Variants in SYN3 observed in about 807,000 individuals in gnomAD.
SYN3 encodes synapsin-3.
In SYN3, 35 loss-of-function variants were observed where a neutral mutation model predicts 65.8. The observed-to-expected ratio is 0.53, with a 90% CI of 0.41 to 0.70. The LOEUF (loss-of-function observed/expected upper bound fraction) is 0.70. Ranked by LOEUF, SYN3 falls within the 30% of genes least tolerant of loss-of-function variation. The probability of loss-of-function intolerance (pLI) is 0.00; values close to 1 mark genes in which losing one functional copy is unlikely to be tolerated. For missense variants in SYN3, 680 were observed against 749.0 expected (o/e 0.91, Z 1.08); for synonymous variants, 270 against 292.9 (o/e 0.92, Z 0.80).
intron 4 of SYN3, among the ~76,000 whole-genome samples, chr22:32,927,480 G>A (rs2050506476): frequency 1.3e-5 from 2 of 151,818 alleles, no homozygotes; most frequent in South Asian, 2.1e-4. Flanking sequence ...AAACTCCTGA[G>A]TGCAGGCAAT....
chr22:32,958,287 G>A (rs1332690767), intron 3 of SYN3, among the ~76,000 whole-genome samples: 4 of 152,204 alleles, frequency 2.6e-5, no homozygotes, highest in African/African-American at 9.7e-5. Flanking sequence ...GTGCAAACAG[G>A]ATACAAGCAA....
intron 6 of SYN3, among the ~76,000 whole-genome samples, chr22:32,676,528 C>CTTTTTTTTTTTTTTTTTT (rs879196572): frequency 2.1e-4 from 19 of 88,932 alleles, no homozygotes; most frequent in East Asian, 4.2e-4. Context: ...TCTTTTCTTT[C>CTTTTTTTTTTTTTTTTTT]TTTTTTTTTT....
rs1400578400 is a variant in SYN3, at chr22:32,572,395, C to T, written c.774+24279G>A. 6.0e-3 allele frequency among the ~76,000 whole-genome samples: 543 copies of T among 90,132 alleles called. 14 individuals carry two copies. Among genetic ancestry groups the T allele is most frequent in the African/African-American group, 0.028 (527 of 18,732 alleles). 59.1% of individuals were successfully genotyped at this position (90,132 alleles called of 152,430 possible). On this transcript the variant is annotated intron_variant, in intron 7 of 13. Transcript: ENST00000358763. ...CCTCCCTCCCATCTTTCCTTCCTTC[C>T]CTCCCTCCCTCCTGTCTTTCCTTCC...
At position 32,541,665 on chromosome 22, in the gene SYN3, C is replaced by T. The variant is rs141167959; in HGVS notation, c.823G>A (p.Ala275Thr). 3.5e-5 allele frequency: 57 copies of T among 1,613,846 alleles called. No individual in the cohort carries two copies. The highest frequency in any genetic ancestry group is 1.2e-4 in the African/African-American group (9 of 74,862). Reference sequence around the variant, plus strand: ...GTGGTGGCGTAGGTTTTGGCCATGGCGACCACGCTGGTGATGTCCTGGAAG... The same window carrying T: ...GTGGTGGCGTAGGTTTTGGCCATGGTGACCACGCTGGTGATGTCCTGGAAG... ...LDFQDITSVVAMAKTYATTEA... is the reference protein window; with the variant it reads ...LDFQDITSVVTMAKTYATTEA... Residue 275 changes from alanine (A) to threonine (T), a missense_variant, in exon 8 of 14, where the codon GCC becomes ACC. Transcript: ENST00000358763.
At chr22:32,532,265 G>C (rs2051571) in intron 10 of SYN3, among the ~76,000 whole-genome samples, 1 of 152,056 alleles carries the variant, frequency 6.6e-6, no homozygotes, top group Admixed American at 6.5e-5. Flanking sequence ...CCCGTGAGGG[G>C]ATGCAGAGGC....
chr22:32,894,201 TG>T (rs137516), intron 4 of SYN3, among the ~76,000 whole-genome samples: 75,447 of 151,934 alleles, frequency 0.5, 19,499 homozygotes, highest in Non-Finnish European at 0.57. Context: ...ATTGGAGAAC[TG>T]TGGAGTAAAG....
chr22:32,540,696 T>C (rs779089300), intron 8 of SYN3, among the ~76,000 whole-genome samples: 3 of 152,230 alleles, frequency 2.0e-5, no homozygotes, highest in Non-Finnish European at 4.4e-5. Context: ...CCTGGCATTC[T>C]TTCCTTTTCC....
rs1228331839 is a variant in SYN3 at position 32,673,904 on chromosome 22, C to G, written c.712-77168G>C. On this transcript the variant is annotated intron_variant, in intron 6 of 13. Coordinates refer to ENST00000358763, the MANE Select transcript of SYN3 (RefSeq NM_003490.4). The stretch of plus-strand genomic sequence containing the variant: ...TTTCTCCTGGGGGCAAAATCATCTC[C>G]TGGGAGCCCTGATGGGTATGGAGCT... Among the ~76,000 whole-genome samples the G allele has an allele frequency of 2.0e-5, 3 of 152,228 alleles. No homozygotes were observed. The East Asian group carries it at 5.8e-4, about 30-fold the overall frequency.
chr22:32,897,355 T>A (rs534029670), intron 4 of SYN3, among the ~76,000 whole-genome samples: 29 of 152,332 alleles, frequency 1.9e-4, no homozygotes, highest in Non-Finnish European at 3.7e-4. Context: ...TGGGCTGCTC[T>A]CTTGGATGCT....
At position 32,612,068 on chromosome 22, in the gene SYN3, A is replaced by G. The variant is rs574783518; in HGVS notation, c.712-15332T>C. On this transcript the variant is annotated intron_variant, in intron 6 of 13. Coordinates refer to ENST00000358763, the MANE Select transcript of SYN3 (RefSeq NM_003490.4). ...TGTGCTAGGAGGGTGGTGTGCCCCA[A>G]CTCCATGGTGATAGAAGCTCCTGTC... Among the ~76,000 whole-genome samples, 102 of 152,076 alleles carry G rather than the reference A, an allele frequency of 6.7e-4. 1 individual carries two copies. Among genetic ancestry groups the G allele is most frequent in the African/African-American group, 2.2e-3 (93 of 41,478 alleles).
chr22:32,516,346 G>GATTGATTGATTGATTT (rs779603620), intron 13 of SYN3, among the ~76,000 whole-genome samples: 20 of 149,956 alleles, frequency 1.3e-4, no homozygotes, highest in African/African-American at 3.7e-4. Context: ...ATACATCTTT[G>GATTGATTGATTGATTT]ATTTATTTAT....
intron 6 of SYN3, among the ~76,000 whole-genome samples, chr22:32,779,939 G>A (rs756521713): frequency 3.3e-5 from 5 of 151,792 alleles, no homozygotes; most frequent in African/African-American, 1.2e-4. Flanking sequence ...ATGGTGAGGC[G>A]GTGCAAACCT....
At chr22:33,050,376 G>A (rs192908818) in intron 1 of SYN3, among the ~76,000 whole-genome samples, 382 of 151,828 alleles carry the variant, frequency 2.5e-3, no homozygotes, top group African/African-American at 8.0e-3. Context: ...CCAGCTACTC[G>A]GGAGGCTGAG....
intron 6 of SYN3, among the ~76,000 whole-genome samples, chr22:32,712,990 C>T (rs1490654194): frequency 2.6e-5 from 4 of 152,110 alleles, no homozygotes; most frequent in Non-Finnish European, 5.9e-5. Context: ...GATTATGTGC[C>T]TCTCCCCATT....
In SYN3 at chr22:32,559,784, A is replaced by T. The variant is rs2097344; in HGVS notation, c.775-18071T>A. The stretch of plus-strand genomic sequence containing the variant: ...GGCAGAGCTTGCAGTGTGCCCAGAT[A>T]GCGCCACTGCCCTCCAGCCTGGGAG... On this transcript the variant is annotated intron_variant, in intron 7 of 13. Transcript: ENST00000358763. Among the ~76,000 whole-genome samples, 14 of 151,204 alleles carry T rather than the reference A, an allele frequency of 9.3e-5. No individual in the cohort carries two copies. The East Asian group carries it at 2.4e-3, about 25-fold the overall frequency.
chr22:32,529,430 G>A (rs1036462050), intron 10 of SYN3, among the ~76,000 whole-genome samples: 7 of 152,182 alleles, frequency 4.6e-5, no homozygotes, highest in African/African-American at 1.4e-4. Context: ...GCTTGATCAT[G>A]ACAAAAATAT....
At chr22:32,745,123 C>A (rs546161237) in intron 6 of SYN3, among the ~76,000 whole-genome samples, 2 of 152,136 alleles carry the variant, frequency 1.3e-5, no homozygotes, top group Non-Finnish European at 2.9e-5. Context: ...TGCTAGGAAC[C>A]AGGAGGAGCC....
At chr22:32,825,963 G>A (rs901130329) in intron 6 of SYN3, among the ~76,000 whole-genome samples, 1 of 152,176 alleles carries the variant, frequency 6.6e-6, no homozygotes, top group South Asian at 2.1e-4. Flanking sequence ...GTATCCACAA[G>A]TTTATAGTAG....
At chr22:32,918,400 G>A (rs2050244609) in intron 4 of SYN3, among the ~76,000 whole-genome samples, 1 of 152,210 alleles carries the variant, frequency 6.6e-6, no homozygotes, top group Admixed American at 6.5e-5. Flanking sequence ...AATAGTTATT[G>A]AGAACCTGAT....
Sources: gnomAD v4.1 joint callset for allele counts (sites outside exome capture counted in the v4.1 genomes callset) on GRCh38, gnomAD v4.1.1 for gene constraint, MANE v1.5 for transcripts, NCBI Gene and HGNC (gene_info 2026-07-23, HGNC 2026-07-21) for gene names.